The following PTBP2 variants were observed in gnomAD, a reference collection of about 807,000 sequenced individuals.
PTBP2 encodes polypyrimidine tract-binding protein 2.
In PTBP2, 13 loss-of-function variants were observed where a neutral mutation model predicts 61.4. That is an observed-to-expected ratio of 0.21 (90% CI 0.14 to 0.34). PTBP2 has a LOEUF of 0.34. PTBP2 is among the 10% of genes least tolerant of loss of function. The pLI, the probability that PTBP2 is intolerant of heterozygous loss-of-function variation, is 1.00. For synonymous variants in PTBP2, 215 were observed against 218.5 expected, an observed-to-expected ratio of 0.98 and a Z score of 0.14; for missense variants, 405 against 642.6, an observed-to-expected ratio of 0.63 and a Z score of 4.00.
intron 8 of PTBP2, among the ~76,000 whole-genome samples, chr1:96,797,786 ATTGTT>A (rs1557766100): frequency 6.6e-6 from 1 of 152,190 alleles, no homozygotes; most frequent in Non-Finnish European, 1.5e-5. Flanking sequence ...GTTATAGTGT[ATTGTT>A]TAGGGAATAA....
At chr1:96,743,752 G>GT (rs753963646) in intron 2 of PTBP2, among the ~76,000 whole-genome samples, 6 of 152,026 alleles carry the variant, frequency 3.9e-5, no homozygotes, top group Non-Finnish European at 8.8e-5. Flanking sequence ...ACAGCAAAGA[G>GT]TTTAATAACA....
chr1:96,801,861 C>CAAAAAA (rs397861502), intron 8 of PTBP2, among the ~76,000 whole-genome samples: 3 of 75,514 alleles, frequency 4.0e-5, no homozygotes, highest in Non-Finnish European at 5.9e-5. Context: ...GACTCCATCT[C>CAAAAAA]AAAAAAAAAA....
At chr1:96,774,889 C>T (rs1392815540) in intron 5 of PTBP2, among the ~76,000 whole-genome samples, 1 of 152,084 alleles carries the variant, frequency 6.6e-6, no homozygotes, top group Non-Finnish European at 1.5e-5. Context: ...TGCTTCTGTC[C>T]CAAAAGTAAT....
chr1:96,783,473 A>G (rs1057345027), intron 7 of PTBP2, among the ~76,000 whole-genome samples: 1 of 152,002 alleles, frequency 6.6e-6, no homozygotes, highest in East Asian at 1.9e-4. Flanking sequence ...GGACCTCAGT[A>G]TTGCTGGGAA....
chr1:96,809,476 T>G (rs1661828434), intron 11 of PTBP2, among the ~76,000 whole-genome samples: 1 of 152,150 alleles, frequency 6.6e-6, no homozygotes, highest in Non-Finnish European at 1.5e-5. Flanking sequence ...TCCTGAGATT[T>G]AAAAATAAGT....
intron 3 of PTBP2, among the ~76,000 whole-genome samples, chr1:96,767,704 C>T (rs1656893533): frequency 6.6e-6 from 1 of 152,098 alleles, no homozygotes; most frequent in Admixed American, 6.6e-5. Flanking sequence ...CTTTAGCTTA[C>T]ATTTTCAATT....
At chr1:96,742,325 G>T (rs894688887) in intron 2 of PTBP2, among the ~76,000 whole-genome samples, 1 of 151,998 alleles carries the variant, frequency 6.6e-6, no homozygotes, top group African/African-American at 2.4e-5. Context: ...GAGGGAACAG[G>T]GATACTTGGA....
chr1:96,756,741 T>C (rs1655202752), intron 3 of PTBP2, among the ~76,000 whole-genome samples: 2 of 152,102 alleles, frequency 1.3e-5, no homozygotes, highest in African/African-American at 4.8e-5. Flanking sequence ...AGCAAAATTA[T>C]GGAGACAGTA....
chr1:96,798,848 TA>T (rs1179203082), intron 8 of PTBP2, among the ~76,000 whole-genome samples: 10 of 152,248 alleles, frequency 6.6e-5, no homozygotes, highest in African/African-American at 2.4e-4. Context: ...TGTAATGTCT[TA>T]AATTTGTTTG....
intron 2 of PTBP2, among the ~76,000 whole-genome samples, chr1:96,739,713 A>G (rs1433316496): frequency 7.6e-6 from 1 of 132,092 alleles, no homozygotes; most frequent in South Asian, 2.4e-4. Flanking sequence ...TGCAAGCTCC[A>G]CCACCCGGGT....
exon 14 of PTBP2, chr1:96,821,792 C>T (rs1394185604): frequency 6.6e-6 from 1 of 152,060 alleles, no homozygotes; most frequent in Admixed American, 6.6e-5. Context: ...CCACACCCAG[C>T]TAATTTTTGT....
chr1:96,771,796 A>G (rs1657413202), intron 5 of PTBP2, among the ~76,000 whole-genome samples: 1 of 152,154 alleles, frequency 6.6e-6, no homozygotes, highest in Admixed American at 6.6e-5. Flanking sequence ...TAATACATAT[A>G]TATTATGGAA....
chr1:96,749,090 C>G (rs951251378), intron 2 of PTBP2, among the ~76,000 whole-genome samples: 20 of 151,888 alleles, frequency 1.3e-4, no homozygotes, highest in African/African-American at 4.8e-4. Flanking sequence ...GAAAAAAGTT[C>G]ATAAATACAA....
rs1373802887 is a variant in PTBP2, at chr1:96,745,493, T to G, written c.40-5932T>G. 8.5e-5 allele frequency among the ~76,000 whole-genome samples: 13 copies of G among 152,262 alleles called. No homozygotes were observed. In the East Asian group the frequency reaches 2.5e-3, roughly 29 times the overall value. On this transcript the variant is annotated intron_variant, in intron 2 of 13. Coordinates refer to ENST00000674951, the MANE Select transcript of PTBP2 (RefSeq NM_021190.4). Reference sequence around the variant, plus strand: ...TGCTTTTTAATCCCCCTTCTTACCCTGCCATGGGTAGGTGGCTGCCACAAC... The same window carrying G: ...TGCTTTTTAATCCCCCTTCTTACCCGGCCATGGGTAGGTGGCTGCCACAAC...
intron 3 of PTBP2, among the ~76,000 whole-genome samples, chr1:96,754,444 T>G (rs1421742663): frequency 6.6e-6 from 1 of 152,210 alleles, no homozygotes; most frequent in Non-Finnish European, 1.5e-5. Flanking sequence ...GGTAAGGTTC[T>G]TATATTTTAC....
chr1:96,799,523 C>T (rs370574265), intron 8 of PTBP2, among the ~76,000 whole-genome samples: 1 of 151,930 alleles, frequency 6.6e-6, no homozygotes, highest in East Asian at 1.9e-4. Context: ...GTCTCGATCT[C>T]CTGACCTTGT....
chr1:96,740,152 A>G (rs538681772), intron 2 of PTBP2, among the ~76,000 whole-genome samples: 2 of 152,216 alleles, frequency 1.3e-5, no homozygotes, highest in East Asian at 3.9e-4. Flanking sequence ...ACAAAAGTTC[A>G]TTTGAAGCCC....
rs1214506290 is a variant in PTBP2 at position 96,814,521 on chromosome 1, T to A, written c.*1116T>A. 2 of 152,538 alleles carry A rather than the reference T, an allele frequency of 1.3e-5. No individual in the cohort carries two copies. Among genetic ancestry groups the A allele is most frequent in the Non-Finnish European group, 2.9e-5 (2 of 67,980 alleles). The allele number at this position is 152,538 out of a possible 1,614,324, so 9.4% of individuals were successfully genotyped here. A position where few individuals can be genotyped will look rare whatever the true frequency, so the allele number is the denominator to read the frequency against. On this transcript the variant is annotated 3_prime_UTR_variant, in exon 14 of 14. Coordinates refer to ENST00000674951, the MANE Select transcript of PTBP2 (RefSeq NM_021190.4). ...AATAAATCTTCAAAATATTTTGTAT[T>A]TAGGAATAGATCTGACTTTAATAAA... is the stretch of plus-strand genomic sequence containing the variant.
rs1426472680 is a variant in PTBP2 at position 96,726,102 on chromosome 1, A to T, written c.39+2508A>T. On this transcript the variant is annotated intron_variant, in intron 2 of 13. Coordinates refer to ENST00000674951, the MANE Select transcript of PTBP2 (RefSeq NM_021190.4). ...AAAAAAAAAAAAAAAAAAAAAAAAA[A>T]AAAAAAAAATTCAAACTGCTTCACA... Among the ~76,000 whole-genome samples, 17 of 133,846 alleles carry T rather than the reference A, an allele frequency of 1.3e-4. No individual in the cohort carries two copies. In the East Asian group the frequency reaches 3.6e-3, roughly 28 times the overall value. The allele number at this position is 133,846 out of a possible 152,430, so 87.8% of individuals were successfully genotyped here. A position where few individuals can be genotyped will look rare whatever the true frequency, so the allele number is the denominator to read the frequency against.
Sources: gnomAD v4.1 joint callset for allele counts (sites outside exome capture counted in the v4.1 genomes callset) on GRCh38, gnomAD v4.1.1 for gene constraint, MANE v1.5 for transcripts, NCBI Gene and HGNC (gene_info 2026-07-23, HGNC 2026-07-21) for gene names.